INPP4B: variants seen among roughly 807,000 people sequenced by gnomAD.
INPP4B encodes the protein inositol polyphosphate-4-phosphatase type II B.
Under a neutral mutation model 122.5 loss-of-function variants are expected in INPP4B, and 55 were observed. The observed-to-expected ratio is 0.45, with a 90% confidence interval of 0.36 to 0.56. INPP4B has a LOEUF of 0.56. Ranked by LOEUF, INPP4B falls within the 20% of genes least tolerant of loss-of-function variation. The pLI is 0.00. For synonymous variants in INPP4B, 403 were observed against 388.7 expected (o/e 1.04, Z -0.43); for missense variants, 1,000 against 1,097.7 (o/e 0.91, Z 1.26).
At chr4:142,765,840 TG>T (rs1302124981) in intron 1 of INPP4B, 2 of 130,102 alleles carry the variant, frequency 1.5e-5, no homozygotes, top group Non-Finnish European at 3.4e-5. Flanking sequence ...AAAAAGCTTC[TG>T]GTTTTTTTTT....
rs1411354049 is a variant in INPP4B at position 142,523,894 on chromosome 4, G to A, written c.-190-61168C>T. 2.8e-5 allele frequency among the ~76,000 whole-genome samples: 4 copies of A among 143,598 alleles called. No individual in the cohort carries two copies. The Admixed American group carries it at 2.9e-4, about 10-fold the overall frequency. The allele number at this position is 143,598 out of a possible 152,430, so 94.2% of individuals were successfully genotyped here. A position where few individuals can be genotyped will look rare whatever the true frequency, so the allele number is the denominator to read the frequency against. ...CATTGTTCAATTCCCACCTATGAGT[G>A]AGAATATGCGGTGTTTGGTTTTTTG... On this transcript the variant is annotated intron_variant, in intron 2 of 25. Transcript: ENST00000262992.
At chr4:142,270,524 A>C in intron 10 of INPP4B, 139 bp downstream of exon 10, 1 of 648,672 alleles carries the variant, frequency 1.5e-6, no homozygotes, top group South Asian at 1.8e-5. Flanking sequence ...CACATATTGT[A>C]TTCCAATTTC....
At chr4:142,590,276 A>G (rs1051637724) in intron 2 of INPP4B, among the ~76,000 whole-genome samples, 1 of 152,224 alleles carries the variant, frequency 6.6e-6, no homozygotes, top group Non-Finnish European at 1.5e-5. Context: ...ATTGTTATAA[A>G]ATCAATTAGG....
At chr4:142,197,368 C>T (rs2149405269) in intron 14 of INPP4B, among the ~76,000 whole-genome samples, 1 of 152,138 alleles carries the variant, frequency 6.6e-6, no homozygotes, top group Non-Finnish European at 1.5e-5. Flanking sequence ...TTCCACTGCT[C>T]TTTTGCAATC....
intron 7 of INPP4B, among the ~76,000 whole-genome samples, chr4:142,392,705 T>C (rs1015073588): frequency 9.2e-5 from 14 of 152,348 alleles, no homozygotes; most frequent in African/African-American, 3.1e-4. Context: ...GTAAAGGCTA[T>C]AGTTACACAA....
intron 22 of INPP4B, among the ~76,000 whole-genome samples, 170 bp downstream of exon 22, chr4:142,112,372 C>T (rs754948580): frequency 6.6e-6 from 1 of 152,088 alleles, no homozygotes; most frequent in Non-Finnish European, 1.5e-5. Flanking sequence ...GGCCAGGATT[C>T]CTTAAATATG....
chr4:142,297,561 G>A (rs1023404465), intron 9 of INPP4B, among the ~76,000 whole-genome samples: 2 of 152,186 alleles, frequency 1.3e-5, no homozygotes, highest in African/African-American at 2.4e-5. Flanking sequence ...CCTTCGCCAT[G>A]TGAGACCACT....
rs10632593 is a variant in INPP4B, at chr4:142,185,885, T to TAA, written c.1181+7200_1181+7201dup. On this transcript the variant is annotated intron_variant, in intron 15 of 25. Coordinates refer to ENST00000262992, the MANE Select transcript of INPP4B (RefSeq NM_001101669.3). ...CAGAGCAAGACACCATCTCAAAACA[T>TAA]AAAAAAAAAAAAAAAAGAAGTCCTC... Among the ~76,000 whole-genome samples the TAA allele has an allele frequency of 2.7e-3, 346 of 129,830 alleles. 32 individuals carry two copies. The highest frequency in any genetic ancestry group is 7.4e-3 in the East Asian group (33 of 4,462). 85.2% of individuals were successfully genotyped at this position (129,830 alleles called of 152,430 possible).
chr4:142,136,773 A>T (rs1047472118), intron 18 of INPP4B, among the ~76,000 whole-genome samples: 10 of 152,336 alleles, frequency 6.6e-5, no homozygotes, highest in African/African-American at 2.4e-4. Flanking sequence ...AAGCTTGGCA[A>T]ACAAGTGAAG....
At chr4:142,130,546 CA>C (rs1293041810) in intron 18 of INPP4B, among the ~76,000 whole-genome samples, 3 of 152,076 alleles carry the variant, frequency 2.0e-5, no homozygotes, top group Non-Finnish European at 4.4e-5. Flanking sequence ...ACATCAGAAA[CA>C]ATGTGTATCA....
chr4:142,748,485 C>A (rs1769135551), intron 1 of INPP4B, among the ~76,000 whole-genome samples: 1 of 151,126 alleles, frequency 6.6e-6, no homozygotes, highest in South Asian at 2.1e-4. Context: ...AAACTCCCAG[C>A]AAAGTAATCA....
intron 9 of INPP4B, among the ~76,000 whole-genome samples, chr4:142,293,357 T>TAAGTAC (rs1757254293): frequency 1.3e-5 from 2 of 152,036 alleles, no homozygotes; most frequent in Non-Finnish European, 2.9e-5. Context: ...TCAGGGAACT[T>TAAGTAC]AGCGGATCAA....
intron 2 of INPP4B, among the ~76,000 whole-genome samples, chr4:142,671,705 A>C (rs1757026701): frequency 6.6e-6 from 1 of 152,156 alleles, no homozygotes; most frequent in South Asian, 2.1e-4. Context: ...TAGTTCCAAG[A>C]TAGTAACACT....
intron 25 of INPP4B, among the ~76,000 whole-genome samples, chr4:142,047,197 T>C (rs1752004320): frequency 6.6e-6 from 1 of 152,086 alleles, no homozygotes; most frequent in Non-Finnish European, 1.5e-5. Flanking sequence ...GGTAATTTGC[T>C]CAGAGTTAAC....
chr4:142,737,881 G>A (rs1374503597), intron 1 of INPP4B, among the ~76,000 whole-genome samples: 1 of 152,192 alleles, frequency 6.6e-6, no homozygotes, highest in East Asian at 1.9e-4. Context: ...CTGGCCATCA[G>A]AGAAATGCAA....
At chr4:142,768,318 T>C (rs765016829) in intron 1 of INPP4B, among the ~76,000 whole-genome samples, 8 of 152,184 alleles carry the variant, frequency 5.3e-5, no homozygotes, top group Admixed American at 1.3e-4. Flanking sequence ...CACAGTGTAC[T>C]ACAGGCAGCA....
intron 16 of INPP4B, among the ~76,000 whole-genome samples, chr4:142,163,729 G>A (rs1821276869): frequency 6.6e-6 from 1 of 151,702 alleles, no homozygotes; most frequent in African/African-American, 2.4e-5. Context: ...GCATCCCCTG[G>A]GCGTCTTGGA....
chr4:142,544,150 T>TGTGTGTGTGG (rs1829278598), intron 2 of INPP4B, among the ~76,000 whole-genome samples: 2 of 151,452 alleles, frequency 1.3e-5, no homozygotes, highest in Non-Finnish European at 2.9e-5. Flanking sequence ...TGTGTGTGTG[T>TGTGTGTGTGG]GTGTGTGTAG....
At chr4:142,264,167 T>G (rs1260129782) in intron 10 of INPP4B, among the ~76,000 whole-genome samples, 2 of 152,010 alleles carry the variant, frequency 1.3e-5, no homozygotes, top group Admixed American at 1.3e-4. Flanking sequence ...TAGACTGATA[T>G]AGTGACATGT....
Sources: allele counts gnomAD v4.1 joint callset (sites outside exome capture counted in the v4.1 genomes callset), GRCh38; gene constraint gnomAD v4.1.1; transcripts MANE v1.5; gene names NCBI Gene and HGNC (gene_info 2026-07-23, HGNC 2026-07-21).